The following PZP variants were observed in gnomAD, a reference collection of about 807,000 sequenced individuals.
PZP encodes PZP alpha-2-macroglobulin like.
A neutral mutation model predicts 179.8 loss-of-function variants in PZP; 150 were observed. The observed-to-expected ratio is 0.83, with a 90% CI of 0.73 to 0.96. The LOEUF (loss-of-function observed/expected upper bound fraction) is 0.96, where lower values mean the gene tolerates loss of function less well. PZP is among the 40% of genes least tolerant of loss of function. The pLI is 0.00. For missense variants in PZP, 1,689 were observed against 1,764.0 expected (o/e 0.96, Z 0.76); for synonymous variants, 624 against 652.3 (o/e 0.96, Z 0.66).
chr12:9,138,639 T>G, the PZP span, among the ~76,000 whole-genome samples: 310 of 152,164 alleles, frequency 2.0e-3, 2 homozygotes, highest in African/African-American at 6.9e-3. Flanking sequence ...GGGTTTTTAT[T>G]TGTTAGAAGG....
downstream of PZP, among the ~76,000 whole-genome samples, chr12:9,148,185 A>G (rs1482756698): frequency 6.6e-6 from 1 of 152,212 alleles, no homozygotes; most frequent in East Asian, 1.9e-4. Flanking sequence ...AGAATGGTTA[A>G]GTCAAGCTAA....
At chr12:9,149,645 G>C in intron 34 of PZP, 43 bp from the exon 35 acceptor site, 1 of 1,593,536 alleles carries the variant, frequency 6.3e-7, no homozygotes, top group Non-Finnish European at 8.6e-7. Context: ...AAAGATCTAT[G>C]AACTAGGGAC....
chr12:9,162,367 C>A, intron 22 of PZP: 1 of 478,670 alleles, frequency 2.1e-6, no homozygotes, highest in Non-Finnish European at 3.7e-6. Flanking sequence ...TACGTATGAA[C>A]CAAGAAAGCC....
chr12:9,174,544 T>C (rs1293648270), intron 15 of PZP, among the ~76,000 whole-genome samples: 3 of 151,858 alleles, frequency 2.0e-5, no homozygotes, highest in Non-Finnish European at 2.9e-5. Context: ...CTTTATTTGA[T>C]TTTATATCTA....
chr12:9,169,760 G>C (rs1299159908), intron 15 of PZP, 169 bp from the exon 16 acceptor site: 1 of 550,106 alleles, frequency 1.8e-6, no homozygotes, highest in African/African-American at 2.0e-5. Context: ...GTGTTGTTTT[G>C]TTATAAAGAA....
At chr12:9,208,207 A>G (rs1277317137) in intron 1 of PZP, 52 bp downstream of exon 1, 3 of 1,414,654 alleles carry the variant, frequency 2.1e-6, no homozygotes, top group Non-Finnish European at 3.0e-6. Context: ...GCGAAGACAC[A>G]AGGGAGAGAC....
intron 29 of PZP, 60 bp from the exon 30 acceptor site, chr12:9,153,403 C>T: frequency 2.1e-6 from 3 of 1,441,768 alleles, no homozygotes; most frequent in Non-Finnish European, 2.9e-6. Flanking sequence ...TGGGATTTTC[C>T]CCCAAAGTCT....
At chr12:9,183,953 C>T (rs1244630368) in intron 13 of PZP, among the ~76,000 whole-genome samples, 1 of 152,204 alleles carries the variant, frequency 6.6e-6, no homozygotes, top group East Asian at 1.9e-4. Context: ...TTAGCTCAGA[C>T]CTCAAAAAGG....
rs1942788876 is a variant in PZP, at chr12:9,181,960, T to C, written c.1689+15A>G. Reference sequence around the variant, plus strand: ...ATTTATTTGTGTTCTTTTAATTTTATGTTAAATCGCTCACCTTGTTGGCTA... The same window carrying C: ...ATTTATTTGTGTTCTTTTAATTTTACGTTAAATCGCTCACCTTGTTGGCTA... On this transcript the variant is annotated intron_variant, in intron 14 of 35. Transcript: ENST00000261336. 6.2e-7 allele frequency: 1 copy of C among 1,611,322 alleles called. No homozygotes were observed. Among genetic ancestry groups the C allele is most frequent in the East Asian group, 2.2e-5 (1 of 44,856 alleles).
At chr12:9,193,667 C>T (rs944653819) in intron 11 of PZP, among the ~76,000 whole-genome samples, 10 of 152,144 alleles carry the variant, frequency 6.6e-5, no homozygotes, top group African/African-American at 2.4e-4. Context: ...AGCATGAAAA[C>T]TTTTTAGCTA....
rs761543464 is a variant in PZP at position 9,168,947 on chromosome 12, A to T, written c.2029T>A (p.Ser677Thr). Reference protein sequence around the residue: ...KGMGLKVFTNSKIRKPKSCSV... With the variant: ...KGMGLKVFTNTKIRKPKSCSV... The stretch of plus-strand genomic sequence containing the variant: ...CACGACTTTGGTTTTCGGATTTTTG[A>T]GTTAGTGAACACCTTCAATCCCATC... Residue 677 changes from serine to threonine, a missense_variant, in exon 17 of 36, where the codon TCA becomes ACA. Ser to Thr is a moderately conservative substitution (Grantham distance 58). Coordinates refer to ENST00000261336, the MANE Select transcript of PZP (RefSeq NM_002864.3). 6.2e-7 allele frequency: 1 copy of T among 1,613,940 alleles called. No homozygotes were observed. The highest frequency in any genetic ancestry group is 8.5e-7 in the Non-Finnish European group (1 of 1,179,824).
At chr12:9,197,643 T>A (rs11049404) in intron 7 of PZP, among the ~76,000 whole-genome samples, 1,149 of 23,892 alleles carry the variant, frequency 0.048, 161 homozygotes, top group African/African-American at 0.15. Context: ...TATATTATAT[T>A]ATATAATATA....
intron 6 of PZP, 41 bp downstream of exon 6, chr12:9,200,851 A>C: frequency 6.3e-7 from 1 of 1,581,134 alleles, no homozygotes. Flanking sequence ...ACACTCTAGG[A>C]ACCAAAATGT....
intron 12 of PZP, 118 bp from the exon 13 acceptor site, chr12:9,192,374 A>C: frequency 7.8e-7 from 1 of 1,289,194 alleles, no homozygotes; most frequent in Non-Finnish European, 1.1e-6. Context: ...CAACCTCAAG[A>C]AAACTCATGG....
In PZP at chr12:9,190,729, T is replaced by C. The variant is rs922276817; in HGVS notation, c.1546+1464A>G. 7.9e-5 allele frequency among the ~76,000 whole-genome samples: 12 copies of C among 152,194 alleles called. No homozygotes were observed. The East Asian group carries it at 1.7e-3, about 22-fold the overall frequency. ...TTAAACATAATAATAAATAATAAAA[T>C]TTGAGAAGATTTCATTATTTAAAAT... On this transcript the variant is annotated intron_variant, in intron 13 of 35. Coordinates refer to ENST00000261336, the MANE Select transcript of PZP (RefSeq NM_002864.3).
At chr12:9,203,481 A>G (rs1944289465) in intron 2 of PZP, among the ~76,000 whole-genome samples, 2 of 151,596 alleles carry the variant, frequency 1.3e-5, no homozygotes, top group South Asian at 2.1e-4. Flanking sequence ...AGCTGGGACT[A>G]CGGGCGCCTG....
intron 15 of PZP, among the ~76,000 whole-genome samples, chr12:9,179,777 T>A (rs1192839606): frequency 2.0e-5 from 3 of 152,226 alleles, no homozygotes; most frequent in Non-Finnish European, 4.4e-5. Context: ...GACTATCACG[T>A]AGGTGGGGAA....
At chr12:9,183,671 C>G (rs1280394558) in intron 13 of PZP, among the ~76,000 whole-genome samples, 1 of 152,184 alleles carries the variant, frequency 6.6e-6, no homozygotes, top group African/African-American at 2.4e-5. Context: ...TTACAGGCAG[C>G]AGCCAATGTG....
In PZP at chr12:9,194,603, T is replaced by C. The variant is rs184708080; in HGVS notation, c.1093-365A>G. ...CCTCAGCCTCCCGAGTAGCTGGGAC[T>C]ACAGGCGCCCGCCACCCCGCCCAGC... On this transcript the variant is annotated intron_variant, in intron 10 of 35. Coordinates refer to ENST00000261336, the MANE Select transcript of PZP (RefSeq NM_002864.3). 3.6e-4 allele frequency among the ~76,000 whole-genome samples: 54 copies of C among 151,836 alleles called. 2 individuals are homozygous for C. In the East Asian group the frequency reaches 9.0e-3, roughly 25 times the overall value.
Sources: allele counts gnomAD v4.1 joint callset (sites outside exome capture counted in the v4.1 genomes callset), GRCh38; gene constraint gnomAD v4.1.1; transcripts MANE v1.5; gene names NCBI Gene and HGNC (gene_info 2026-07-23, HGNC 2026-07-21).